The following ZFP62 variants were observed in gnomAD, a reference collection of about 807,000 sequenced individuals.
The protein encoded by ZFP62 is zinc finger protein 62 homolog.
In ZFP62, 44 loss-of-function variants were observed where a neutral mutation model predicts 56.4. The ratio of observed to expected loss-of-function variants is 0.78; its 90% CI spans 0.61 to 1.00. The LOEUF is 1.00. Ranked by LOEUF, ZFP62 falls within the 50% of genes least tolerant of loss-of-function variation. ZFP62 has a pLI of 0.00. For synonymous variants in ZFP62, 421 were observed against 388.9 expected, an observed-to-expected ratio of 1.08 and a Z score of -0.97; for missense variants, 1,030 against 1,085.7, an observed-to-expected ratio of 0.95 and a Z score of 0.72.
downstream of ZFP62, among the ~76,000 whole-genome samples, chr5:180,846,747 C>G (rs1375241641): frequency 6.6e-6 from 1 of 152,236 alleles, no homozygotes; most frequent in African/African-American, 2.4e-5. Flanking sequence ...CACAGCCTTT[C>G]TCCCTTTATT....
chr5:180,839,962 C>T, the ZFP62 span, among the ~76,000 whole-genome samples: 1 of 152,168 alleles, frequency 6.6e-6, no homozygotes, highest in Non-Finnish European at 1.5e-5. Context: ...GAAGAACTAA[C>T]CTTACAATGG....
At chr5:180,838,246 T>C in the ZFP62 span, among the ~76,000 whole-genome samples, 14 of 151,846 alleles carry the variant, frequency 9.2e-5, no homozygotes, top group African/African-American at 3.4e-4. Context: ...AGGAGGCCCA[T>C]GTGGTGGTGG....
At position 180,849,667 on chromosome 5, in the gene ZFP62, C is replaced by A. The variant is rs1309354678; in HGVS notation, c.1828G>T (p.Val610Phe). Residue 610 changes from valine (V) to phenylalanine (F), a missense_variant, in exon 2 of 2, where the codon GTT becomes TTT. Val to Phe is a conservative substitution (Grantham distance 50). Transcript: ENST00000502412. ...TYRTLTNHKKVHLGEKPYKCD... is the reference protein window; with the variant it reads ...TYRTLTNHKKFHLGEKPYKCD... ...TTGTAGGGCTTCTCCCCAAGATGAACTTTTTTGTGGTTTGTAAGGGTTCGG... is the reference window on the plus strand; with the variant it reads ...TTGTAGGGCTTCTCCCCAAGATGAAATTTTTTGTGGTTTGTAAGGGTTCGG... The A allele has an allele frequency of 1.3e-6, 2 of 1,550,370 alleles. No homozygotes were observed. Among genetic ancestry groups the A allele is most frequent in the East Asian group, 4.9e-5 (2 of 40,740 alleles).
At chr5:180,860,380 A>G (rs1581980111) in intron 1 of ZFP62, 1 of 152,316 alleles carries the variant, frequency 6.6e-6, no homozygotes, top group Admixed American at 6.5e-5. Flanking sequence ...GCTTTCACAA[A>G]GAAATGCTCC....
chr5:180,833,043 T>C, the ZFP62 span, among the ~76,000 whole-genome samples: 9 of 152,188 alleles, frequency 5.9e-5, no homozygotes, highest in East Asian at 3.8e-4. Context: ...GGCTGCACTT[T>C]CCATGTTCTG....
downstream of ZFP62, among the ~76,000 whole-genome samples, chr5:180,846,230 G>A (rs1357380389): frequency 6.6e-6 from 1 of 152,182 alleles, no homozygotes; most frequent in African/African-American, 2.4e-5. Flanking sequence ...GAGCATGCGA[G>A]TAGATGGGGG....
Position 180,848,397 on chromosome 5 carries a change from T to C in ZFP62, c.*395A>G, listed in dbSNP as rs1301925134. On this transcript the variant is annotated 3_prime_UTR_variant, in exon 2 of 2. Transcript: ENST00000502412. ...CCAATGTGTAATTGGGATTCAAAGC[T>C]ATACCTGAATTTCCTACATTTCTAG... is the stretch of plus-strand genomic sequence containing the variant. 2 of 996,308 alleles carry C rather than the reference T, an allele frequency of 2.0e-6. No homozygotes were observed. Among genetic ancestry groups the C allele is most frequent in the African/African-American group, 3.5e-5 (2 of 57,552 alleles). The allele number at this position is 996,308 out of a possible 1,614,324, so 61.7% of individuals were successfully genotyped here.
chr5:180,835,960 C>T, the ZFP62 span, among the ~76,000 whole-genome samples: 2 of 152,232 alleles, frequency 1.3e-5, no homozygotes, highest in Admixed American at 1.3e-4. Flanking sequence ...GACAGTACTC[C>T]ATACAATTAT....
downstream of ZFP62, among the ~76,000 whole-genome samples, chr5:180,844,123 TTG>T (rs958205483): frequency 7.9e-5 from 12 of 152,352 alleles, no homozygotes; most frequent in African/African-American, 2.2e-4. Flanking sequence ...TTGTTCTTTG[TTG>T]TGTTTGCTGT....
At chr5:180,858,868 C>A (rs749862799) in intron 1 of ZFP62, among the ~76,000 whole-genome samples, 2 of 152,208 alleles carry the variant, frequency 1.3e-5, no homozygotes, top group Non-Finnish European at 2.9e-5. Flanking sequence ...GTTTTCAACA[C>A]GCAGCATGAG....
the ZFP62 span, among the ~76,000 whole-genome samples, chr5:180,837,323 CTG>C: frequency 2.6e-5 from 4 of 152,232 alleles, no homozygotes; most frequent in Admixed American, 2.6e-4. Flanking sequence ...ATCACTAGCA[CTG>C]TGTTTATCTA....
At chr5:180,843,073 AAAAAG>A (rs1171624443), downstream of ZFP62, among the ~76,000 whole-genome samples, 9 of 151,098 alleles carry the variant, frequency 6.0e-5, no homozygotes, top group East Asian at 1.9e-4. Context: ...AAATTTAAAA[AAAAAG>A]AAAAGTAATT....
rs1187891624 is a variant in ZFP62 at position 180,849,112 on chromosome 5, T to C, written c.2383A>G (p.Ile795Val). Reference sequence around the variant, plus strand: ...TGATTGATAAGACTTGAGTGTGAGATGTATGCCTTCCCACACTCATCACAT... The same window carrying C: ...TGATTGATAAGACTTGAGTGTGAGACGTATGCCTTCCCACACTCATCACAT... ...YECDECGKAY[I>V]SHSSLINHKS... The change falls in exon 2 of 2, where the codon ATC becomes GTC. Residue 795 changes from isoleucine to valine, a missense_variant. Physicochemically the swap from Ile to Val is conservative, Grantham distance 29. Transcript: ENST00000502412. 3.2e-6 allele frequency: 5 copies of C among 1,557,386 alleles called. No homozygotes were observed. The African/African-American group carries it at 5.5e-5, about 17-fold the overall frequency.
intron 1 of ZFP62, among the ~76,000 whole-genome samples, chr5:180,854,190 C>A (rs558756682): frequency 2.0e-5 from 3 of 152,204 alleles, no homozygotes; most frequent in Non-Finnish European, 4.4e-5. Flanking sequence ...AAGCAGGAAA[C>A]ATACAAGATG....
the ZFP62 span, among the ~76,000 whole-genome samples, chr5:180,840,263 A>C: frequency 3.8e-4 from 58 of 152,206 alleles, 1 homozygote; most frequent in Admixed American, 2.6e-4. Context: ...GGCTTCTCCT[A>C]AATGCACTGG....
downstream of ZFP62, among the ~76,000 whole-genome samples, chr5:180,845,324 C>T (rs1418117828): frequency 2.2e-5 from 1 of 44,870 alleles, no homozygotes; most frequent in African/African-American, 7.9e-5. Flanking sequence ...ACGAGACCGT[C>T]TTAAAAAAAA....
At position 180,847,705 on chromosome 5, in the gene ZFP62, T is replaced by C; in HGVS notation, c.*1087A>G. ...AAGAGAGAGTGAGCCCTGAACAAAG[T>C]ATTCGTTAACATTTTACAACAGACA... On this transcript the variant is annotated 3_prime_UTR_variant, in exon 2 of 2. Transcript: ENST00000502412. 1 of 985,400 alleles carries C rather than the reference T, an allele frequency of 1.0e-6. No homozygotes were observed. Among genetic ancestry groups the C allele is most frequent in the Non-Finnish European group, 1.2e-6 (1 of 829,912 alleles). The allele number at this position is 985,400 out of a possible 1,614,324, so 61.0% of individuals were successfully genotyped here.
chr5:180,839,252 G>C, the ZFP62 span, among the ~76,000 whole-genome samples: 1 of 152,236 alleles, frequency 6.6e-6, no homozygotes, highest in Non-Finnish European at 1.5e-5. Context: ...GCTAAAAACA[G>C]TGCCAAGATA....
intron 1 of ZFP62, among the ~76,000 whole-genome samples, chr5:180,856,459 C>T (rs1773977636): frequency 6.6e-6 from 1 of 152,114 alleles, no homozygotes; most frequent in Admixed American, 6.5e-5. Flanking sequence ...TCCTTATAAA[C>T]AATACTGGAG....
Sources: gnomAD v4.1 joint callset for allele counts (sites outside exome capture counted in the v4.1 genomes callset) on GRCh38, gnomAD v4.1.1 for gene constraint, MANE v1.5 for transcripts, NCBI Gene and HGNC (gene_info 2026-07-23, HGNC 2026-07-21) for gene names.